ADAMTS18: variants seen among roughly 807,000 people sequenced by gnomAD.
The protein encoded by ADAMTS18 is A disintegrin and metalloproteinase with thrombospondin motifs 18.
In ADAMTS18, 157 loss-of-function variants were observed where a neutral mutation model predicts 165.9. That is an observed-to-expected ratio of 0.95 (90% CI 0.83 to 1.08). ADAMTS18 has a LOEUF of 1.08. Among genes scored for constraint, ADAMTS18 ranks in the 50% least tolerant of loss-of-function variants. ADAMTS18 has a pLI of 0.00. For missense variants in ADAMTS18, 2,040 were observed against 1,534.0 expected, an observed-to-expected ratio of 1.33 and a Z score of -5.51; for synonymous variants, 782 against 578.2, an observed-to-expected ratio of 1.35 and a Z score of -5.06.
intron 14 of ADAMTS18, 67 bp downstream of exon 14, chr16:77,322,269 C>T: frequency 6.4e-7 from 1 of 1,572,570 alleles, no homozygotes; most frequent in Non-Finnish European, 8.7e-7. Flanking sequence ...CACCACTGTT[C>T]ACGGTACACA....
intron 16 of ADAMTS18, among the ~76,000 whole-genome samples, chr16:77,306,685 T>G (rs1384941358): frequency 1.3e-5 from 2 of 152,226 alleles, no homozygotes; most frequent in Non-Finnish European, 2.9e-5. Context: ...TGTATTCGAT[T>G]GCTTTAAAAT....
intron 18 of ADAMTS18, 45 bp from the exon 19 acceptor site, chr16:77,295,172 T>C (rs1193443503): frequency 1.9e-5 from 30 of 1,604,834 alleles, no homozygotes; most frequent in Non-Finnish European, 2.6e-5. Context: ...AAACTTTGTA[T>C]GATAACTTCC....
intron 17 of ADAMTS18, among the ~76,000 whole-genome samples, chr16:77,298,740 C>T (rs938249756): frequency 7.3e-5 from 11 of 151,634 alleles, no homozygotes; most frequent in Non-Finnish European, 1.5e-4. Context: ...AGCAGTGAGC[C>T]GTAATTGTGC....
chr16:77,392,791 C>T (rs906065478), intron 3 of ADAMTS18, among the ~76,000 whole-genome samples: 1 of 152,024 alleles, frequency 6.6e-6, no homozygotes, highest in Non-Finnish European at 1.5e-5. Context: ...ATATCAAGTG[C>T]TAAAATTACA....
chr16:77,319,103 C>A (rs1293002713), intron 16 of ADAMTS18, among the ~76,000 whole-genome samples: 1 of 152,036 alleles, frequency 6.6e-6, no homozygotes, highest in African/African-American at 2.4e-5. Context: ...CTACAAACTA[C>A]AAAATCATGG....
chr16:77,360,747 T>A (rs2144729179), intron 7 of ADAMTS18, among the ~76,000 whole-genome samples: 1 of 152,316 alleles, frequency 6.6e-6, no homozygotes, highest in East Asian at 1.9e-4. Context: ...TAAACTTATT[T>A]ATAGGACATA....
intron 16 of ADAMTS18, among the ~76,000 whole-genome samples, chr16:77,304,609 A>G (rs2055648440): frequency 6.6e-6 from 1 of 152,260 alleles, no homozygotes; most frequent in African/African-American, 2.4e-5. Context: ...CTTGAACTAA[A>G]GGTAAGACCA....
At chr16:77,320,540 G>A (rs144237440) in intron 15 of ADAMTS18, among the ~76,000 whole-genome samples, 4 of 152,064 alleles carry the variant, frequency 2.6e-5, no homozygotes, top group Non-Finnish European at 5.9e-5. Context: ...TCAAGAGGGT[G>A]AGGCAGGAGA....
chr16:77,369,110 C>T (rs1374461383), intron 3 of ADAMTS18, among the ~76,000 whole-genome samples: 1 of 152,190 alleles, frequency 6.6e-6, no homozygotes, highest in Non-Finnish European at 1.5e-5. Context: ...AATCGTGGGC[C>T]TCACCCCAAA....
At chr16:77,346,491 G>C (rs1412297904) in intron 10 of ADAMTS18, among the ~76,000 whole-genome samples, 1 of 152,016 alleles carries the variant, frequency 6.6e-6, no homozygotes, top group African/African-American at 2.4e-5. Flanking sequence ...TAACATGAAA[G>C]AACCTGGCAA....
intron 3 of ADAMTS18, among the ~76,000 whole-genome samples, chr16:77,402,055 G>C (rs1334632320): frequency 1.3e-5 from 2 of 152,126 alleles, no homozygotes; most frequent in African/African-American, 4.8e-5. Context: ...GAAATTTTCA[G>C]CTTCCATAGT....
chr16:77,368,056 T>G (rs1428843758), intron 3 of ADAMTS18, among the ~76,000 whole-genome samples: 1 of 152,156 alleles, frequency 6.6e-6, no homozygotes, highest in Non-Finnish European at 1.5e-5. Context: ...TTTACACTTT[T>G]TATAGAAACA....
intron 3 of ADAMTS18, among the ~76,000 whole-genome samples, chr16:77,376,553 G>A (rs569882367): frequency 1.4e-4 from 21 of 152,230 alleles, no homozygotes; most frequent in African/African-American, 4.8e-4. Context: ...ACTGGGTTGC[G>A]CCCGCTACTG....
intron 13 of ADAMTS18, among the ~76,000 whole-genome samples, chr16:77,322,813 A>C (rs1038442460): frequency 2.6e-5 from 4 of 152,172 alleles, no homozygotes; most frequent in African/African-American, 9.7e-5. Context: ...ACAGAAATGA[A>C]GTAGTGTGGC....
rs1597272662 is a variant in ADAMTS18, at chr16:77,434,882, C to G, written c.-187G>C. ...CCTCCTCCGGCCGCCTGCGCGCCCT[C>G]CCTTCTCCCGGCGCGGGCCTGCCGA... On this transcript the variant is annotated 5_prime_UTR_variant, in exon 1 of 23. Coordinates refer to ENST00000282849, the MANE Select transcript of ADAMTS18 (RefSeq NM_199355.4). The G allele has an allele frequency of 6.8e-6, 3 of 443,440 alleles. No homozygotes were observed. The East Asian group carries it at 1.2e-4, about 18-fold the overall frequency. 27.5% of individuals were successfully genotyped at this position (443,440 alleles called of 1,614,324 possible).
intron 16 of ADAMTS18, among the ~76,000 whole-genome samples, chr16:77,307,018 C>G (rs1241439087): frequency 6.6e-6 from 1 of 152,172 alleles, no homozygotes; most frequent in Non-Finnish European, 1.5e-5. Flanking sequence ...CCCTGGTGTG[C>G]TGTGACATTT....
intron 19 of ADAMTS18, among the ~76,000 whole-genome samples, chr16:77,293,806 C>T (rs978135160): frequency 6.7e-6 from 1 of 149,726 alleles, no homozygotes; most frequent in Non-Finnish European, 1.5e-5. Context: ...GGTTCAAACT[C>T]CTCTGAGAAC....
chr16:77,386,392 G>A (rs1468174899), intron 3 of ADAMTS18, among the ~76,000 whole-genome samples: 1 of 152,150 alleles, frequency 6.6e-6, no homozygotes, highest in Admixed American at 6.5e-5. Context: ...CCTGGACTTC[G>A]ACAGGTTTTG....
At chr16:77,336,468 TA>T (rs564948164) in intron 11 of ADAMTS18, among the ~76,000 whole-genome samples, 123 of 152,354 alleles carry the variant, frequency 8.1e-4, no homozygotes, top group Non-Finnish European at 5.4e-4. Flanking sequence ...CCCGTCACTA[TA>T]GAGCATTTCT....
Sources: allele counts gnomAD v4.1 joint callset (sites outside exome capture counted in the v4.1 genomes callset), GRCh38; gene constraint gnomAD v4.1.1; transcripts MANE v1.5; gene names NCBI Gene and HGNC (gene_info 2026-07-23, HGNC 2026-07-21).